KCNN4: variants seen among roughly 807,000 people sequenced by gnomAD.
The protein encoded by KCNN4 is potassium calcium-activated channel subfamily N member 4, also known as intermediate conductance calcium-activated potassium channel protein 4.
Under a neutral mutation model 45.2 loss-of-function variants are expected in KCNN4, and 31 were observed. That is an observed-to-expected ratio of 0.69 (90% CI 0.52 to 0.92). The LOEUF (loss-of-function observed/expected upper bound fraction) is 0.92, where lower values mean the gene tolerates loss of function less well. KCNN4 is among the 40% of genes least tolerant of loss of function. The probability of loss-of-function intolerance (pLI) is 0.00; values close to 1 mark genes in which losing one functional copy is unlikely to be tolerated. For missense variants in KCNN4, 463 were observed against 574.0 expected (o/e 0.81, Z 1.98); for synonymous variants, 231 against 254.6 (o/e 0.91, Z 0.88).
rs1969739388 is a variant in KCNN4, at chr19:43,774,506, C to T, written c.369G>A (p.Arg123=). Residue 123 remains arginine, a synonymous_variant, in exon 3 of 9, where the codon CGG becomes CGA. Coordinates refer to ENST00000648319, the MANE Select transcript of KCNN4 (RefSeq NM_002250.3). This position sits in a 1 kb window ranked among gnomAD's most constrained non-coding sequence, Gnocchi z 5.6. The part of the protein sequence containing the change: ...VVCGLHPAPV[R]GPPCVQDLGA... ...CTAAATCCTGCACGCACGGCGGGCC[C>T]CGCACGGGCGCCGGGTGCAGCCCAC... 3.1e-6 allele frequency: 5 copies of T among 1,597,254 alleles called. No individual in the cohort carries two copies. The highest frequency in any genetic ancestry group is 3.4e-5 in the Admixed American group (2 of 58,806).
chr19:43,766,841 A>G lies in KCNN4; in HGVS notation c.*252T>C, dbSNP rs1459750804. ...AGGTCGTCCATAGCAGCATAGTGAG[A>G]GTGTTTTTGATGAGGGTATGCAGAG... is the stretch of plus-strand genomic sequence containing the variant. On this transcript the variant is annotated 3_prime_UTR_variant, in exon 9 of 9. Coordinates refer to ENST00000648319, the MANE Select transcript of KCNN4 (RefSeq NM_002250.3). The G allele has an allele frequency of 6.6e-6, 1 of 152,482 alleles. No homozygotes were observed. The highest frequency in any genetic ancestry group is 1.9e-4 in the East Asian group (1 of 5,174). The allele number at this position is 152,482 out of a possible 1,614,324, so 9.4% of individuals were successfully genotyped here. A position where few individuals can be genotyped will look rare whatever the true frequency, so the allele number is the denominator to read the frequency against.
rs1028677537 is a variant in KCNN4, at chr19:43,774,680, G to C, written c.256-61C>G. 2.9e-6 allele frequency: 4 copies of C among 1,396,756 alleles called. No homozygotes were observed. The Admixed American group carries it at 1.2e-4, about 42-fold the overall frequency. 86.5% of individuals were successfully genotyped at this position (1,396,756 alleles called of 1,614,324 possible). On this transcript the variant is annotated intron_variant, in intron 2 of 8. Coordinates refer to ENST00000648319, the MANE Select transcript of KCNN4 (RefSeq NM_002250.3). This position sits in a 1 kb window ranked among gnomAD's most constrained non-coding sequence, Gnocchi z 5.6. ...GCAGGTCAGGCGCAGGTCAGGCGGC[G>C]GCCCGCGCCTGCCTGCGCCCTGAGA...
In KCNN4 at chr19:43,776,320, G is replaced by A. The variant is rs574663905; in HGVS notation, c.255+221C>T. 7.3e-5 allele frequency among the ~76,000 whole-genome samples: 11 copies of A among 151,526 alleles called. No homozygotes were observed. The East Asian group carries it at 2.2e-3, about 30-fold the overall frequency. On this transcript the variant is annotated intron_variant, in intron 2 of 8. Coordinates refer to ENST00000648319, the MANE Select transcript of KCNN4 (RefSeq NM_002250.3). ...ACTCTCAGCATCCGTGAGTGTGCAA[G>A]GGGGGGCTGGGGACTACAGGGGAAG...
Position 43,772,245 on chromosome 19 carries a change from C to T in KCNN4, c.684-110G>A. On this transcript the variant is annotated intron_variant, in intron 3 of 8. Transcript: ENST00000648319. This position sits in a 1 kb window ranked among gnomAD's most constrained non-coding sequence, Gnocchi z 4.4. ...CCCCTTCCCTCTGGTTCCCTCCCTT[C>T]CCCTCCCAGTATACACCCATAGTCC... 8.3e-7 allele frequency: 1 copy of T among 1,206,496 alleles called. No individual in the cohort carries two copies. Among genetic ancestry groups the T allele is most frequent in the Non-Finnish European group, 1.2e-6 (1 of 865,116 alleles). The allele number at this position is 1,206,496 out of a possible 1,614,324, so 74.7% of individuals were successfully genotyped here.
intron 1 of KCNN4, among the ~76,000 whole-genome samples, chr19:43,779,978 ATC>A (rs1284567484): frequency 2.0e-5 from 3 of 151,986 alleles, no homozygotes; most frequent in Non-Finnish European, 4.4e-5. Flanking sequence ...CCCATTTCCC[ATC>A]CCCACCCCCA....
intron 7 of KCNN4, among the ~76,000 whole-genome samples, chr19:43,768,642 T>C (rs1043317697): frequency 6.6e-6 from 1 of 152,238 alleles, no homozygotes; most frequent in African/African-American, 2.4e-5. Context: ...TTGGTTTTAT[T>C]GTATGAGCTG....
In KCNN4 at chr19:43,775,583, C is replaced by G. The variant is rs538782147; in HGVS notation, c.255+958G>C. 3.9e-5 allele frequency among the ~76,000 whole-genome samples: 6 copies of G among 152,260 alleles called. No homozygotes were observed. The South Asian group carries it at 1.0e-3, about 26-fold the overall frequency. ...ATAATGTGCACTGTTTACTGAGCAC[C>G]TCTTATGTGCCAGGCACTGCTCATA... On this transcript the variant is annotated intron_variant, in intron 2 of 8. Transcript: ENST00000648319.
intron 7 of KCNN4, among the ~76,000 whole-genome samples, chr19:43,768,319 G>A (rs960528070): frequency 5.9e-5 from 9 of 152,352 alleles, no homozygotes; most frequent in East Asian, 5.8e-4. Flanking sequence ...TTGAACTGTC[G>A]TGGGCTAACG....
At chr19:43,770,235 T>C (rs1274957489) in intron 4 of KCNN4, among the ~76,000 whole-genome samples, 1 of 152,058 alleles carries the variant, frequency 6.6e-6, no homozygotes, top group African/African-American at 2.4e-5. Context: ...CTGGACCGTC[T>C]CCAGCCTCCC....
In KCNN4 at chr19:43,774,152, G is replaced by T; in HGVS notation, c.683+40C>A. On this transcript the variant is annotated intron_variant, in intron 3 of 8. Transcript: ENST00000648319. This position sits in a 1 kb window ranked among gnomAD's most constrained non-coding sequence, Gnocchi z 5.6. Reference sequence around the variant, plus strand: ...CACAGGACGGCCGCCGTGGCTGTCCGGGGTTCCCCCCTGCGCATTTATGCC... The same window carrying T: ...CACAGGACGGCCGCCGTGGCTGTCCTGGGTTCCCCCCTGCGCATTTATGCC... 6.4e-7 allele frequency: 1 copy of T among 1,566,188 alleles called. No homozygotes were observed. The highest frequency in any genetic ancestry group is 2.3e-5 in the East Asian group (1 of 43,270).
At chr19:43,773,709 T>C (rs888197835) in intron 3 of KCNN4, among the ~76,000 whole-genome samples, 6 of 152,186 alleles carry the variant, frequency 3.9e-5, no homozygotes, top group African/African-American at 1.4e-4. Context: ...CAGGATCTAG[T>C]TCCAATTCCC....
rs1969581495 is a variant in KCNN4 at position 43,769,531 on chromosome 19, T to C, written c.960A>G (p.Gln320=). 2.5e-6 allele frequency: 4 copies of C among 1,614,180 alleles called. No individual in the cohort carries two copies. The highest frequency in any genetic ancestry group is 3.4e-6 in the Non-Finnish European group (4 of 1,180,026). Reference sequence around the variant, plus strand: ...TATGTTTGTAGAACATCCAGGCTTCTTGTAGCACTCGGGCAGCGGACTCCT... The same window carrying C: ...TATGTTTGTAGAACATCCAGGCTTCCTGTAGCACTCGGGCAGCGGACTCCT... ...EMKESAARVL[Q]EAWMFYKHTR... The change falls in exon 6 of 9, where the codon CAA becomes CAG. Residue 320 remains glutamine (Q), a synonymous_variant. Coordinates refer to ENST00000648319, the MANE Select transcript of KCNN4 (RefSeq NM_002250.3). This position sits in a 1 kb window ranked among gnomAD's most constrained non-coding sequence, Gnocchi z 4.4.
chr19:43,767,397 C>T (rs1969509906), intron 8 of KCNN4, 143 bp downstream of exon 8: 19 of 1,043,362 alleles, frequency 1.8e-5, no homozygotes, highest in Non-Finnish European at 2.4e-5. Context: ...CGAACTGAGT[C>T]CTTTCCTCCA....
In KCNN4 at chr19:43,772,267, G is replaced by T; in HGVS notation, c.684-132C>A. 1.0e-6 allele frequency: 1 copy of T among 952,418 alleles called. No individual in the cohort carries two copies. The highest frequency in any genetic ancestry group is 1.5e-6 in the Non-Finnish European group (1 of 661,804). 59.0% of individuals were successfully genotyped at this position (952,418 alleles called of 1,614,324 possible). ...CTTCCCCTCCCAGTATACACCCATA[G>T]TCCTAAGAATCACCTGGACAAAAAG... On this transcript the variant is annotated intron_variant, in intron 3 of 8. Transcript: ENST00000648319. This position sits in a 1 kb window ranked among gnomAD's most constrained non-coding sequence, Gnocchi z 4.4.
In KCNN4 at chr19:43,768,924, C is replaced by T. The variant is rs200373037; in HGVS notation, c.1119+39G>A. The T allele has an allele frequency of 3.1e-6, 5 of 1,607,840 alleles. No homozygotes were observed. The East Asian group carries it at 1.1e-4, about 36-fold the overall frequency. The stretch of plus-strand genomic sequence containing the variant: ...ATTTCCCTCCCTGTGGCCCCAACCT[C>T]CCCCTTCTTCAAGACCTCCTCCCAC... On this transcript the variant is annotated intron_variant, in intron 7 of 8. Coordinates refer to ENST00000648319, the MANE Select transcript of KCNN4 (RefSeq NM_002250.3).
intron 8 of KCNN4, 109 bp from the exon 9 acceptor site, chr19:43,767,198 G>A (rs556006986): frequency 3.9e-6 from 1 of 258,828 alleles, no homozygotes; most frequent in Non-Finnish European, 7.7e-6. Flanking sequence ...GGAGACAGGG[G>A]GCAGGTGTTT....
At position 43,774,360 on chromosome 19, in the gene KCNN4, C is replaced by T; in HGVS notation, c.515G>A (p.Gly172Asp). The change falls in exon 3 of 9, where the codon GGC (glycine) becomes GAC (aspartate). Residue 172 changes from glycine to aspartate, a missense_variant. Gly to Asp is a moderately conservative substitution (Grantham distance 94). This residue lies in a region of KCNN4 where 225 missense variants were observed against 240.9 expected (regional missense o/e 0.93). Coordinates refer to ENST00000648319, the MANE Select transcript of KCNN4 (RefSeq NM_002250.3). This position sits in a 1 kb window ranked among gnomAD's most constrained non-coding sequence, Gnocchi z 5.6. The part of the protein sequence containing the change: ...LVPRAVLLRS[G>D]VLLNASYRSI... Reference sequence around the variant, plus strand: ...GCGGTAGGAAGCGTTGAGCAGGACGCCGCTGCGCAGGAGCACGGCGCGGGG... The same window carrying T: ...GCGGTAGGAAGCGTTGAGCAGGACGTCGCTGCGCAGGAGCACGGCGCGGGG... 6.2e-7 allele frequency: 1 copy of T among 1,608,228 alleles called. No individual in the cohort carries two copies. Among genetic ancestry groups the T allele is most frequent in the Non-Finnish European group, 8.5e-7 (1 of 1,177,440 alleles).
In KCNN4 at chr19:43,774,630, G is replaced by C. The variant is rs764437877; in HGVS notation, c.256-11C>G. 20 of 1,488,350 alleles carry C rather than the reference G, an allele frequency of 1.3e-5. No homozygotes were observed. Among genetic ancestry groups the C allele is most frequent in the Non-Finnish European group, 1.6e-5 (18 of 1,128,096 alleles). The allele number at this position is 1,488,350 out of a possible 1,614,324, so 92.2% of individuals were successfully genotyped here. On this transcript the variant is annotated splice_polypyrimidine_tract_variant and intron_variant, in intron 2 of 8. Transcript: ENST00000648319. This position sits in a 1 kb window ranked among gnomAD's most constrained non-coding sequence, Gnocchi z 5.6. ...GTCGGTCATGAACAGCTGCCGGTAG[G>C]GGGCCAAGAAGGGAGGGGTCAGGAG... is the stretch of plus-strand genomic sequence containing the variant.
intron 7 of KCNN4, among the ~76,000 whole-genome samples, chr19:43,768,594 T>G (rs1319875829): frequency 2.6e-5 from 4 of 152,246 alleles, no homozygotes; most frequent in Admixed American, 6.5e-5. Context: ...TTAATTGTAT[T>G]GGTTTTGCCG....
Sources: gnomAD v4.1 joint callset for allele counts (sites outside exome capture counted in the v4.1 genomes callset) on GRCh38, gnomAD v4.1.1 for gene constraint, gnomAD v4.1.1 regional missense constraint, Gnocchi (gnomAD v3.1) non-coding constraint, MANE v1.5 for transcripts, NCBI Gene and HGNC (gene_info 2026-07-23, HGNC 2026-07-21) for gene names.